Variants in PHACTR1 observed in about 807,000 individuals in gnomAD.
PHACTR1 encodes the protein phosphatase and actin regulator 1.
A neutral mutation model predicts 69.2 loss-of-function variants in PHACTR1; 16 were observed. The ratio of observed to expected loss-of-function variants is 0.23; its 90% CI spans 0.16 to 0.35. PHACTR1 has a LOEUF of 0.35. PHACTR1 is among the 10% of genes least tolerant of loss of function. PHACTR1 has a pLI of 1.00. For missense variants in PHACTR1, 510 were observed against 734.7 expected (o/e 0.69, Z 3.54); for synonymous variants, 312 against 284.5 (o/e 1.10, Z -0.97).
chr6:12,938,445 AC>A (rs748700470), intron 4 of PHACTR1, among the ~76,000 whole-genome samples: 3 of 152,178 alleles, frequency 2.0e-5, no homozygotes, highest in Non-Finnish European at 4.4e-5. Context: ...CAGCAATAGC[AC>A]CACACGATGA....
In PHACTR1 at chr6:13,278,288, C is replaced by G. The variant is rs372053028; in HGVS notation, c.1468C>G (p.Gln490Glu). ...TTTAGCTCGGAATGAACAAGAGGAA[C>G]AGGAGGAGAAGAGAGAGATCAAGAG... ...ILKPRNEQEE[Q>E]EEKREIKRRL... Residue 490 changes from glutamine to glutamate, a missense_variant, in exon 12 of 15, where the codon CAG (glutamine) becomes GAG (glutamate). By Grantham distance (29) the Gln-to-Glu change is conservative (BLOSUM62 2). This residue lies in a region of PHACTR1 where 91 missense variants were observed against 203.8 expected (regional missense o/e 0.45). Coordinates refer to ENST00000332995, the MANE Select transcript of PHACTR1 (RefSeq NM_030948.6). 8.8e-6 allele frequency: 14 copies of G among 1,598,638 alleles called. No homozygotes were observed. In the African/African-American group the frequency reaches 1.5e-4, roughly 17 times the overall value.
chr6:13,042,353 A>G (rs190644208), intron 4 of PHACTR1, among the ~76,000 whole-genome samples: 147 of 152,360 alleles, frequency 9.6e-4, no homozygotes, highest in African/African-American at 3.4e-3. Context: ...GGAATTTTCT[A>G]CACTAAGGAT....
chr6:13,134,814 AAAAAAAAAT>A (rs1399012295), intron 5 of PHACTR1, among the ~76,000 whole-genome samples: 6 of 103,076 alleles, frequency 5.8e-5, no homozygotes, highest in Non-Finnish European at 1.4e-4. Flanking sequence ...AAAAAAAAAA[AAAAAAAAAT>A]TATCACAGTA....
intron 4 of PHACTR1, among the ~76,000 whole-genome samples, chr6:13,032,961 C>T (rs1204197782): frequency 3.3e-5 from 5 of 152,006 alleles, no homozygotes; most frequent in African/African-American, 9.7e-5. Context: ...CAAAATTTCC[C>T]GTTAGAGGAA....
chr6:12,889,076 C>G (rs1179199286), intron 4 of PHACTR1, among the ~76,000 whole-genome samples: 2 of 151,920 alleles, frequency 1.3e-5, no homozygotes. Context: ...AGTTCAAGAC[C>G]AGTCTGGGCA....
chr6:13,163,548 A>G (rs1341623718), intron 6 of PHACTR1, among the ~76,000 whole-genome samples: 1 of 152,250 alleles, frequency 6.6e-6, no homozygotes, highest in African/African-American at 2.4e-5. Context: ...AAGAAGAGAC[A>G]GGCTAAAATG....
At chr6:12,831,342 GA>G (rs1408080845) in intron 4 of PHACTR1, among the ~76,000 whole-genome samples, 1 of 152,180 alleles carries the variant, frequency 6.6e-6, no homozygotes, top group African/African-American at 2.4e-5. Flanking sequence ...GTACCCAAAT[GA>G]GAAAAATCAT....
chr6:13,155,169 C>G (rs1314126292), intron 5 of PHACTR1, among the ~76,000 whole-genome samples: 1 of 152,164 alleles, frequency 6.6e-6, no homozygotes, highest in African/African-American at 2.4e-5. Flanking sequence ...TCCAATTTAT[C>G]TACTGTTCTT....
At chr6:13,230,545 CAAAAAAAAAAA>C in intron 10 of PHACTR1, 1 of 92,068 alleles carries the variant, frequency 1.1e-5, no homozygotes, top group South Asian at 3.0e-4. Flanking sequence ...GACTCTGTCT[CAAAAAAAAAAA>C]AAAAAAAAAA....
At chr6:13,087,462 C>T (rs1410930782) in intron 5 of PHACTR1, among the ~76,000 whole-genome samples, 1 of 151,722 alleles carries the variant, frequency 6.6e-6, no homozygotes, top group African/African-American at 2.4e-5. Flanking sequence ...AAACTAAATT[C>T]ATGTTCAAGT....
At chr6:12,962,976 C>A (rs1792940495) in intron 4 of PHACTR1, among the ~76,000 whole-genome samples, 1 of 152,176 alleles carries the variant, frequency 6.6e-6, no homozygotes, top group African/African-American at 2.4e-5. Flanking sequence ...ACACACACCT[C>A]AGCACATGCA....
Position 13,230,200 on chromosome 6 carries a change from C to T in PHACTR1, c.1391+7C>T. On this transcript the variant is annotated splice_region_variant and intron_variant, in intron 10 of 14. Transcript: ENST00000332995. ...TTGGCACCAAGCTCACCAGGTAGGACAGCGGCACCCTCTGCCTCCCTGGCA... is the reference window on the plus strand; with the variant it reads ...TTGGCACCAAGCTCACCAGGTAGGATAGCGGCACCCTCTGCCTCCCTGGCA... 1 of 1,605,254 alleles carries T rather than the reference C, an allele frequency of 6.2e-7. No homozygotes were observed. The highest frequency in any genetic ancestry group is 1.1e-5 in the South Asian group (1 of 88,980).
intron 4 of PHACTR1, among the ~76,000 whole-genome samples, chr6:12,935,546 C>A (rs1001001429): frequency 2.0e-5 from 3 of 152,048 alleles, no homozygotes; most frequent in Non-Finnish European, 4.4e-5. Flanking sequence ...ACCTGGCCTA[C>A]ACTGATGTTA....
intron 4 of PHACTR1, among the ~76,000 whole-genome samples, chr6:12,764,576 C>T (rs1194784822): frequency 6.6e-6 from 1 of 151,992 alleles, no homozygotes; most frequent in Non-Finnish European, 1.5e-5. Context: ...TATTTTTCTC[C>T]CCTGAGTGGG....
chr6:13,054,146 A>G (rs1806421073), intron 5 of PHACTR1, among the ~76,000 whole-genome samples: 1 of 152,218 alleles, frequency 6.6e-6, no homozygotes, highest in Non-Finnish European at 1.5e-5. Flanking sequence ...CAAATCTGAT[A>G]CTTGCTGGTT....
chr6:12,992,799 T>C (rs943727366), intron 4 of PHACTR1, among the ~76,000 whole-genome samples: 4 of 152,142 alleles, frequency 2.6e-5, no homozygotes, highest in African/African-American at 9.7e-5. Flanking sequence ...TGTGGTGAAA[T>C]GCCCGGGGTG....
chr6:13,197,181 C>T (rs1764555966), intron 7 of PHACTR1, among the ~76,000 whole-genome samples: 1 of 152,204 alleles, frequency 6.6e-6, no homozygotes, highest in Non-Finnish European at 1.5e-5. Flanking sequence ...TGCTGATCTC[C>T]TCTGATGCAT....
rs7773761 is a variant in PHACTR1, at chr6:13,134,220, G to A, written c.416-25984G>A. On this transcript the variant is annotated intron_variant, in intron 5 of 14. Transcript: ENST00000332995. The stretch of plus-strand genomic sequence containing the variant: ...CGGAGGGAGGTAGGGGGCAGCCCCC[G>A]CCCCGCCAGCCGCCCTGTCCGGGAG... Among the ~76,000 whole-genome samples, 91 of 149,560 alleles carry A rather than the reference G, an allele frequency of 6.1e-4. 1 individual carries two copies. The highest frequency in any genetic ancestry group is 2.1e-3 in the African/African-American group (84 of 40,584).
intron 4 of PHACTR1, among the ~76,000 whole-genome samples, chr6:12,915,187 G>A (rs1340847156): frequency 6.6e-6 from 1 of 152,154 alleles, no homozygotes; most frequent in African/African-American, 2.4e-5. Flanking sequence ...CAGAGTGAGA[G>A]CAAGAAAATG....
Sources: allele counts gnomAD v4.1 joint callset (sites outside exome capture counted in the v4.1 genomes callset), GRCh38; gene constraint gnomAD v4.1.1; regional missense constraint gnomAD v4.1.1; transcripts MANE v1.5; gene names NCBI Gene and HGNC (gene_info 2026-07-23, HGNC 2026-07-21).